Variants in TPO observed in about 807,000 individuals in gnomAD.
TPO encodes the protein thyroid peroxidase.
TPO carries 78 observed loss-of-function variants against 96.9 expected under a neutral mutation model. The ratio of observed to expected loss-of-function variants is 0.81; its 90% CI spans 0.67 to 0.97. The LOEUF is 0.97. Ranked by LOEUF, TPO falls within the 50% of genes least tolerant of loss-of-function variation. TPO has a pLI of 0.00. For synonymous variants in TPO, 547 were observed against 538.0 expected, an observed-to-expected ratio of 1.02 and a Z score of -0.23; for missense variants, 1,252 against 1,274.8, an observed-to-expected ratio of 0.98 and a Z score of 0.27.
chr2:1,509,492 C>G lies in TPO; in HGVS notation c.2518+5413C>G, dbSNP rs556303379. Reference sequence around the variant, plus strand: ...CCCTCTTGTTTGAGGGACACCCCACCCTCTTGTTTCTGGGAAACCACAACC... The same window carrying G: ...CCCTCTTGTTTGAGGGACACCCCACGCTCTTGTTTCTGGGAAACCACAACC... On this transcript the variant is annotated intron_variant, in intron 14 of 16. Transcript: ENST00000329066. 3.3e-5 allele frequency among the ~76,000 whole-genome samples: 5 copies of G among 152,026 alleles called. No individual in the cohort carries two copies. In the South Asian group the frequency reaches 1.0e-3, roughly 32 times the overall value.
At chr2:1,386,322 T>A (rs981127814) in intron 1 of TPO, among the ~76,000 whole-genome samples, 2 of 152,198 alleles carry the variant, frequency 1.3e-5, no homozygotes, top group African/African-American at 4.8e-5. Context: ...GGTGTTAAAG[T>A]CTCCCATTAT....
chr2:1,378,447 C>T (rs1356224045), intron 1 of TPO, among the ~76,000 whole-genome samples: 2 of 152,234 alleles, frequency 1.3e-5, no homozygotes, highest in African/African-American at 4.8e-5. Context: ...GAAACATTCA[C>T]TGCCCCTTCA....
intron 15 of TPO, among the ~76,000 whole-genome samples, chr2:1,539,891 T>G (rs1680522982): frequency 7.0e-6 from 1 of 143,292 alleles, no homozygotes; most frequent in Non-Finnish European, 1.5e-5. Context: ...CGGGGGCAGG[T>G]AAAAACGCAG....
intron 8 of TPO, among the ~76,000 whole-genome samples, chr2:1,481,386 TAA>T (rs1231591224): frequency 6.6e-6 from 1 of 152,176 alleles, no homozygotes; most frequent in African/African-American, 2.4e-5. Context: ...GGTGAAAAGA[TAA>T]AGACATCCCA....
chr2:1,493,227 C>G (rs910205887), intron 10 of TPO, among the ~76,000 whole-genome samples: 33 of 134,210 alleles, frequency 2.5e-4, no homozygotes, highest in African/African-American at 8.8e-4. Flanking sequence ...GGGGTGCTGG[C>G]TTCTGTGTGT....
At chr2:1,523,648 C>A (rs1040912022) in intron 15 of TPO, among the ~76,000 whole-genome samples, 2 of 104,894 alleles carry the variant, frequency 1.9e-5, no homozygotes, top group African/African-American at 7.3e-5. Context: ...AAATCACCCC[C>A]CACTGTGTTC....
intron 13 of TPO, among the ~76,000 whole-genome samples, chr2:1,498,479 C>A (rs1672571511): frequency 6.6e-6 from 1 of 152,226 alleles, no homozygotes; most frequent in Admixed American, 6.5e-5. Flanking sequence ...CAGAGGCCTG[C>A]TACATAGGTG....
intron 8 of TPO, among the ~76,000 whole-genome samples, chr2:1,480,269 A>G (rs1006614565): frequency 3.3e-5 from 5 of 152,066 alleles, no homozygotes; most frequent in Admixed American, 2.0e-4. Context: ...TTCAGTTAAT[A>G]GGTCCTCTTT....
At chr2:1,461,858 CA>C (rs757514047) in intron 7 of TPO, among the ~76,000 whole-genome samples, 10 of 152,116 alleles carry the variant, frequency 6.6e-5, no homozygotes, top group East Asian at 3.9e-4. Context: ...TGGACGAGGG[CA>C]GGGGGGGCCG....
At position 1,542,771 on chromosome 2, in the gene TPO, C is replaced by A; in HGVS notation, c.*297C>A. The A allele has an allele frequency of 4.3e-6, 3 of 699,638 alleles. No individual in the cohort carries two copies. The highest frequency in any genetic ancestry group is 6.7e-6 in the Non-Finnish European group (3 of 446,660). 43.3% of individuals were successfully genotyped at this position (699,638 alleles called of 1,614,324 possible). ...ACCCTGGAAACACCACTCTTGCAAT[C>A]CTCCTGTCTCCACCTTCTGGCATCT... On this transcript the variant is annotated 3_prime_UTR_variant, in exon 17 of 17. Coordinates refer to ENST00000329066, the MANE Select transcript of TPO (RefSeq NM_001206744.2).
Position 1,403,307 on chromosome 2 carries a change from G to A in TPO, n.180+28905G>A, listed in dbSNP as rs1247871956. Among the ~76,000 whole-genome samples the A allele has an allele frequency of 7.2e-5, 11 of 152,168 alleles. No individual in the cohort carries two copies. The South Asian group carries it at 1.4e-3, about 20-fold the overall frequency. On this transcript the variant is annotated intron_variant and non_coding_transcript_variant, in intron 1 of 5. Coordinates refer to the TPO transcript ENST00000497517. Reference sequence around the variant, plus strand: ...ACAGGCCATGCCCGGGCAGCCTGGCGATGCTTGGGTCAGTCCCCTTGTCCC... The same window carrying A: ...ACAGGCCATGCCCGGGCAGCCTGGCAATGCTTGGGTCAGTCCCCTTGTCCC...
intron 14 of TPO, among the ~76,000 whole-genome samples, chr2:1,504,330 G>A (rs1473663193): frequency 6.6e-6 from 1 of 152,150 alleles, no homozygotes; most frequent in Non-Finnish European, 1.5e-5. Context: ...AGAATGCATT[G>A]CCAGACAAGG....
At chr2:1,506,139 T>C (rs1322028727) in intron 14 of TPO, among the ~76,000 whole-genome samples, 3 of 152,038 alleles carry the variant, frequency 2.0e-5, no homozygotes, top group Non-Finnish European at 2.9e-5. Flanking sequence ...ATGCGGTGTT[T>C]GGTTTTTTGT....
chr2:1,533,161 TGA>T, intron 15 of TPO, among the ~76,000 whole-genome samples: 1 of 83,964 alleles, frequency 1.2e-5, no homozygotes, highest in Non-Finnish European at 2.1e-5. Flanking sequence ...CCCCCCACTG[TGA>T]GCAACCTTCC....
At chr2:1,467,348 A>G (rs1238930466) in intron 7 of TPO, among the ~76,000 whole-genome samples, 2 of 152,100 alleles carry the variant, frequency 1.3e-5, no homozygotes, top group East Asian at 3.9e-4. Flanking sequence ...CAGGTGATCC[A>G]CCAGCTCAGC....
intron 1 of TPO, among the ~76,000 whole-genome samples, chr2:1,389,004 C>A (rs1033944094): frequency 6.6e-6 from 1 of 152,088 alleles, no homozygotes; most frequent in Non-Finnish European, 1.5e-5. Flanking sequence ...AATAAGTGAA[C>A]AATTAAGAAG....
chr2:1,517,025 T>TC, intron 15 of TPO, 43 bp downstream of exon 15: 1 of 1,588,568 alleles, frequency 6.3e-7, no homozygotes, highest in Middle Eastern at 1.7e-4. Context: ...CACAAAGCAA[T>TC]CTCCTTTCCT....
intron 8 of TPO, among the ~76,000 whole-genome samples, chr2:1,478,557 G>A (rs1468256518): frequency 6.6e-6 from 1 of 152,248 alleles, no homozygotes; most frequent in Admixed American, 6.5e-5. Context: ...AAAGGTCAGA[G>A]CAGAGGGTCT....
chr2:1,454,156 A>C (rs2148583875), intron 6 of TPO, among the ~76,000 whole-genome samples: 1 of 143,320 alleles, frequency 7.0e-6, no homozygotes, highest in African/African-American at 2.6e-5. Flanking sequence ...CAAGATGATT[A>C]TGAGTTCAGC....
Sources: allele counts gnomAD v4.1 joint callset (sites outside exome capture counted in the v4.1 genomes callset), GRCh38; gene constraint gnomAD v4.1.1; transcripts MANE v1.5; gene names NCBI Gene and HGNC (gene_info 2026-07-23, HGNC 2026-07-21).